KIAA1217: variants seen among roughly 807,000 people sequenced by gnomAD.
KIAA1217 encodes the protein sickle tail protein homolog.
Under a neutral mutation model 163.9 loss-of-function variants are expected in KIAA1217, and 88 were observed. The ratio of observed to expected loss-of-function variants is 0.54; its 90% confidence interval spans 0.45 to 0.64. KIAA1217 has a LOEUF of 0.64. Among genes scored for constraint, KIAA1217 ranks in the 30% least tolerant of loss-of-function variants. KIAA1217 has a pLI of 0.00. For missense variants in KIAA1217, 2,372 were observed against 2,475.0 expected, an observed-to-expected ratio of 0.96 and a Z score of 0.88; for synonymous variants, 903 against 923.1, an observed-to-expected ratio of 0.98 and a Z score of 0.39.
intron 1 of KIAA1217, among the ~76,000 whole-genome samples, chr10:23,800,696 G>C (rs191279211): frequency 6.6e-6 from 1 of 151,988 alleles, no homozygotes; most frequent in South Asian, 2.1e-4. Flanking sequence ...ATAGTGTGGC[G>C]TAATTAAAAA....
intron 5 of KIAA1217, among the ~76,000 whole-genome samples, chr10:24,443,332 G>C (rs1158794482): frequency 6.6e-6 from 1 of 152,180 alleles, no homozygotes; most frequent in Admixed American, 6.5e-5. Flanking sequence ...CCAGAGAGTA[G>C]CAGAACAGAG....
intron 2 of KIAA1217, among the ~76,000 whole-genome samples, chr10:24,059,063 C>T (rs1324196688): frequency 6.6e-6 from 1 of 152,052 alleles, no homozygotes; most frequent in Non-Finnish European, 1.5e-5. Context: ...TCCTCTATTT[C>T]TAGTTTGCTG....
chr10:24,076,241 A>C (rs1488170291), intron 2 of KIAA1217, among the ~76,000 whole-genome samples: 2 of 152,220 alleles, frequency 1.3e-5, no homozygotes, highest in Non-Finnish European at 2.9e-5. Flanking sequence ...AGATTGATAC[A>C]CAGCGTTTAT....
intron 1 of KIAA1217, among the ~76,000 whole-genome samples, chr10:23,698,651 A>G (rs915698657): frequency 1.3e-5 from 2 of 152,212 alleles, no homozygotes; most frequent in African/African-American, 4.8e-5. Flanking sequence ...TGGAGCCAAA[A>G]TAGTGAAGGG....
At chr10:24,228,340 T>G (rs5015373) in intron 2 of KIAA1217, among the ~76,000 whole-genome samples, 53,784 of 151,690 alleles carry the variant, frequency 0.35, 9,997 homozygotes, top group Non-Finnish European at 0.42. Flanking sequence ...AGCTGATGTA[T>G]TAATCAGGAT....
At chr10:24,519,062 A>T (rs2134455356) in intron 10 of KIAA1217, among the ~76,000 whole-genome samples, 1 of 152,118 alleles carries the variant, frequency 6.6e-6, no homozygotes, top group Middle Eastern at 3.4e-3. Context: ...CCACTTGCCC[A>T]CCTAAGTGGA....
chr10:24,175,786 C>G (rs2065857731), intron 2 of KIAA1217, among the ~76,000 whole-genome samples: 1 of 152,096 alleles, frequency 6.6e-6, no homozygotes, highest in South Asian at 2.1e-4. Context: ...TGTTACAGTT[C>G]TTAAGGTGGT....
chr10:24,417,653 G>GT (rs1431828415), intron 3 of KIAA1217, among the ~76,000 whole-genome samples: 2 of 152,144 alleles, frequency 1.3e-5, no homozygotes, highest in African/African-American at 4.8e-5. Flanking sequence ...GGAGACCATG[G>GT]TGTGAAGTCT....
At chr10:24,078,634 C>T (rs575993774) in intron 2 of KIAA1217, among the ~76,000 whole-genome samples, 8 of 152,176 alleles carry the variant, frequency 5.3e-5, no homozygotes, top group Admixed American at 1.3e-4. Flanking sequence ...AATGAAGGGG[C>T]GCTGATGTCT....
intron 1 of KIAA1217, among the ~76,000 whole-genome samples, chr10:23,727,605 A>AT (rs1163317607): frequency 3.9e-5 from 6 of 152,114 alleles, no homozygotes; most frequent in East Asian, 1.9e-4. Flanking sequence ...ACATAGTTAT[A>AT]TTTTTTTCAT....
chr10:24,157,337 G>A (rs958641022), intron 2 of KIAA1217, among the ~76,000 whole-genome samples: 2 of 152,006 alleles, frequency 1.3e-5, no homozygotes, highest in African/African-American at 4.8e-5. Context: ...TCTTTATTGG[G>A]TTGTTTATTT....
At chr10:24,002,667 TG>T (rs1438127356) in intron 1 of KIAA1217, among the ~76,000 whole-genome samples, 2 of 152,070 alleles carry the variant, frequency 1.3e-5, no homozygotes, top group African/African-American at 4.8e-5. Flanking sequence ...AATTTTATTT[TG>T]GTAGTTTTGG....
At chr10:24,541,473 G>T (rs1485399466) in intron 17 of KIAA1217, among the ~76,000 whole-genome samples, 1 of 152,146 alleles carries the variant, frequency 6.6e-6, no homozygotes, top group Non-Finnish European at 1.5e-5. Flanking sequence ...CCATTCTTAA[G>T]TAAGGTCATA....
chr10:24,253,721 G>A (rs2074817163), intron 2 of KIAA1217, among the ~76,000 whole-genome samples: 1 of 151,238 alleles, frequency 6.6e-6, no homozygotes. Flanking sequence ...AACACAGCGG[G>A]ACTCTGTCTC....
chr10:24,337,805 G>A (rs1479926015), intron 2 of KIAA1217, among the ~76,000 whole-genome samples: 2 of 151,586 alleles, frequency 1.3e-5, no homozygotes, highest in African/African-American at 2.4e-5. Flanking sequence ...CACCATGCCC[G>A]GCTAATTTTT....
At chr10:23,753,871 G>A (rs1297169744) in intron 1 of KIAA1217, among the ~76,000 whole-genome samples, 2 of 151,978 alleles carry the variant, frequency 1.3e-5, no homozygotes, top group African/African-American at 2.4e-5. Context: ...TTTGATTCTC[G>A]CTTTCAACTT....
chr10:24,308,932 G>C (rs1347935826), intron 2 of KIAA1217, among the ~76,000 whole-genome samples: 1 of 152,010 alleles, frequency 6.6e-6, no homozygotes, highest in African/African-American at 2.4e-5. Flanking sequence ...AGACCAGCCT[G>C]GCCAACATGG....
In KIAA1217 at chr10:24,227,532, CT is replaced by C. The variant is rs1264425737; in HGVS notation, c.354+7632del. ...AAGAAAATGAACACCAATATGAGCA[CT>C]TTTTTTTTCTTTTTTTTGAGTCAGA... On this transcript the variant is annotated intron_variant, in intron 2 of 20. Coordinates refer to ENST00000376454, the MANE Select transcript of KIAA1217 (RefSeq NM_019590.5). 5.5e-5 allele frequency among the ~76,000 whole-genome samples: 8 copies of C among 145,052 alleles called. No individual in the cohort carries two copies. The East Asian group carries it at 1.0e-3, about 18-fold the overall frequency.
chr10:23,770,256 C>T (rs1285001112), intron 1 of KIAA1217, among the ~76,000 whole-genome samples: 1 of 152,190 alleles, frequency 6.6e-6, no homozygotes, highest in African/African-American at 2.4e-5. Context: ...TTGGTGGTTA[C>T]CATGTCTTCT....
Sources: allele counts gnomAD v4.1 joint callset (sites outside exome capture counted in the v4.1 genomes callset), GRCh38; gene constraint gnomAD v4.1.1; transcripts MANE v1.5; gene names NCBI Gene and HGNC (gene_info 2026-07-23, HGNC 2026-07-21).